The following RBM44 variants were observed in gnomAD, a reference collection of about 807,000 sequenced individuals.
RBM44 encodes RNA-binding protein 44.
In RBM44, 66 loss-of-function variants were observed where a neutral mutation model predicts 105.1. The ratio of observed to expected loss-of-function variants is 0.63; its 90% CI spans 0.52 to 0.77. The LOEUF (loss-of-function observed/expected upper bound fraction) is 0.77. Among genes scored for constraint, RBM44 ranks in the 30% least tolerant of loss-of-function variants. The pLI, the probability that RBM44 is intolerant of heterozygous loss-of-function variation, is 0.00. For missense variants in RBM44, 1,122 were observed against 1,207.8 expected, an observed-to-expected ratio of 0.93 and a Z score of 1.05; for synonymous variants, 365 against 417.6, an observed-to-expected ratio of 0.87 and a Z score of 1.54.
intron 1 of RBM44, among the ~76,000 whole-genome samples, chr2:237,809,482 A>G (rs1022293540): frequency 2.0e-5 from 3 of 152,146 alleles, no homozygotes; most frequent in African/African-American, 7.2e-5. Flanking sequence ...CCAGACAGGC[A>G]TCTTTCAATA....
In RBM44 at chr2:237,818,970, T is replaced by C. The variant is rs530626691; in HGVS notation, c.1736+11T>C. 2 of 1,363,476 alleles carry C rather than the reference T, an allele frequency of 1.5e-6. No homozygotes were observed. The highest frequency in any genetic ancestry group is 2.7e-5 in the South Asian group (2 of 74,542). 84.5% of individuals were successfully genotyped at this position (1,363,476 alleles called of 1,614,324 possible). The stretch of plus-strand genomic sequence containing the variant: ...GAAACATCCTGAGAGGTACATCATT[T>C]ATATATGCTTACAGATACATCTGGA... On this transcript the variant is annotated intron_variant, in intron 4 of 15. Transcript: ENST00000316997. This position sits in a 1 kb window ranked among gnomAD's most constrained non-coding sequence, Gnocchi z 4.6.
Position 237,829,207 on chromosome 2 carries a change from T to A in RBM44, c.2601-10T>A. 1 of 1,590,568 alleles carries A rather than the reference T, an allele frequency of 6.3e-7. No homozygotes were observed. The highest frequency in any genetic ancestry group is 1.1e-5 in the South Asian group (1 of 87,364). On this transcript the variant is annotated splice_polypyrimidine_tract_variant and intron_variant, in intron 12 of 15. Coordinates refer to ENST00000316997, the MANE Select transcript of RBM44 (RefSeq NM_001080504.3). ...TAACAACCTTTTGGTTTTCTGCTCT[T>A]ATGTTTTAGATATGCATCTCTTGCT...
At chr2:237,804,794 T>C (rs185810399) in intron 1 of RBM44, among the ~76,000 whole-genome samples, 10 of 152,358 alleles carry the variant, frequency 6.6e-5, no homozygotes, top group African/African-American at 2.4e-4. Context: ...ATAAGCTCTT[T>C]AGTTTAATTA....
chr2:237,826,463 T>A (rs951664378), intron 10 of RBM44, among the ~76,000 whole-genome samples: 6 of 152,206 alleles, frequency 3.9e-5, no homozygotes, highest in Non-Finnish European at 7.3e-5. Flanking sequence ...TAACTCAAGT[T>A]GTCTCTCCCC....
chr2:237,821,404 G>C (rs1195679383), intron 7 of RBM44, 36 bp downstream of exon 7: 2 of 1,474,014 alleles, frequency 1.4e-6, no homozygotes, highest in Admixed American at 4.4e-5. Flanking sequence ...TAATTCATTA[G>C]ATCCTAAAAA....
At chr2:237,836,192 G>T (rs368772845) in intron 15 of RBM44, among the ~76,000 whole-genome samples, 2 of 152,120 alleles carry the variant, frequency 1.3e-5, no homozygotes, top group Non-Finnish European at 2.9e-5. Flanking sequence ...CTCATTTACC[G>T]TTCTGAAAAT....
At chr2:237,839,872 A>G (rs958126594) in intron 15 of RBM44, among the ~76,000 whole-genome samples, 9 of 152,182 alleles carry the variant, frequency 5.9e-5, no homozygotes, top group African/African-American at 2.2e-4. Flanking sequence ...GAAAATATTT[A>G]TAAATCATAT....
chr2:237,822,328 A>G (rs763134223), intron 8 of RBM44, among the ~76,000 whole-genome samples: 6 of 152,092 alleles, frequency 3.9e-5, no homozygotes, highest in Non-Finnish European at 8.8e-5. Context: ...TGTTCCCGCA[A>G]GAAAGTGTTT....
At chr2:237,833,301 C>G (rs1272247465) in intron 13 of RBM44, among the ~76,000 whole-genome samples, 8 of 152,116 alleles carry the variant, frequency 5.3e-5, no homozygotes, top group Non-Finnish European at 1.5e-5. Context: ...GACTTTTCAT[C>G]GAGGCTTTAA....
chr2:237,838,273 G>C (rs1032456563), intron 15 of RBM44, among the ~76,000 whole-genome samples: 2 of 152,146 alleles, frequency 1.3e-5, no homozygotes, highest in Non-Finnish European at 2.9e-5. Context: ...CAAGCCCAAA[G>C]CTCTAGACCC....
intron 10 of RBM44, among the ~76,000 whole-genome samples, chr2:237,825,451 C>A (rs1174716873): frequency 6.6e-6 from 1 of 152,174 alleles, no homozygotes; most frequent in Non-Finnish European, 1.5e-5. Flanking sequence ...AGTGATCCAC[C>A]CACCTCAGCC....
chr2:237,822,862 A>G (rs146502037), intron 8 of RBM44, among the ~76,000 whole-genome samples: 5 of 152,108 alleles, frequency 3.3e-5, no homozygotes, highest in Admixed American at 6.5e-5. Context: ...TTAACTGGTA[A>G]TTCATGAAAC....
chr2:237,829,815 A>G (rs747326356), intron 13 of RBM44, among the ~76,000 whole-genome samples: 2 of 152,148 alleles, frequency 1.3e-5, no homozygotes, highest in Non-Finnish European at 2.9e-5. Context: ...TTTCTTTCAT[A>G]GCTAACTTTA....
chr2:237,817,789 C>T lies in RBM44; in HGVS notation c.870C>T (p.Tyr290=). Residue 290 remains tyrosine (Y), a synonymous_variant, in exon 3 of 16, where the codon TAC becomes TAT. Coordinates refer to ENST00000316997, the MANE Select transcript of RBM44 (RefSeq NM_001080504.3). ...AGGAACAAGAGACTAATTCAATGTA[C>T]CACACTGTATTTGATGGCAGTGTAC... The part of the protein sequence containing the change: ...KYKEQETNSM[Y]HTVFDGSVLR... 1 of 1,610,368 alleles carries T rather than the reference C, an allele frequency of 6.2e-7. No homozygotes were observed. Among genetic ancestry groups the T allele is most frequent in the Non-Finnish European group, 8.5e-7 (1 of 1,177,536 alleles).
At chr2:237,814,656 G>GGA (rs2061695316) in intron 2 of RBM44, among the ~76,000 whole-genome samples, 1 of 152,014 alleles carries the variant, frequency 6.6e-6, no homozygotes, top group East Asian at 1.9e-4. Flanking sequence ...AAAGATAATA[G>GGA]GTTAGTGGAG....
intron 7 of RBM44, 52 bp from the exon 8 acceptor site, chr2:237,821,690 CT>C: frequency 6.3e-6 from 8 of 1,274,308 alleles, no homozygotes; most frequent in Non-Finnish European, 9.1e-6. Flanking sequence ...CTATAGTCAC[CT>C]TACTCTGTTA....
intron 2 of RBM44, among the ~76,000 whole-genome samples, chr2:237,816,452 A>G (rs1032436414): frequency 6.6e-6 from 1 of 152,188 alleles, no homozygotes; most frequent in African/African-American, 2.4e-5. Flanking sequence ...TGTAAACAGT[A>G]AATTTCTTCC....
Position 237,829,374 on chromosome 2 carries a change from A to G in RBM44, c.2758A>G (p.Ser920Gly), listed in dbSNP as rs757530234. The change falls in exon 13 of 16, where the codon AGT becomes GGT. Residue 920 changes from serine (S) to glycine (G), a missense_variant. Around this residue, in one of 3 missense-constraint regions of RBM44, gnomAD observed 194 missense variants for 225.5 expected, o/e 0.86. Coordinates refer to ENST00000316997, the MANE Select transcript of RBM44 (RefSeq NM_001080504.3). The part of the protein sequence containing the change: ...PLSSKNGNRI[S>G]SNNLEKSTNK... ...TTCCTCCAAAAATGGGAATAGAATTAGTTCGAATAATTTAGAGAAAAGCAC... is the reference window on the plus strand; with the variant it reads ...TTCCTCCAAAAATGGGAATAGAATTGGTTCGAATAATTTAGAGAAAAGCAC... 1.2e-6 allele frequency: 2 copies of G among 1,613,704 alleles called. No individual in the cohort carries two copies. The highest frequency in any genetic ancestry group is 1.7e-6 in the Non-Finnish European group (2 of 1,179,686).
At position 237,824,287 on chromosome 2, in the gene RBM44, T is replaced by C; in HGVS notation, c.2321-4T>C. 4 of 1,612,752 alleles carry C rather than the reference T, an allele frequency of 2.5e-6. No homozygotes were observed. Among genetic ancestry groups the C allele is most frequent in the Non-Finnish European group, 3.4e-6 (4 of 1,179,124 alleles). On this transcript the variant is annotated splice_region_variant and splice_polypyrimidine_tract_variant and intron_variant, in intron 9 of 15. Transcript: ENST00000316997. ...TTCATAGCTCACTGTGTTGAGTGTC[T>C]TAGACTGCAGACATTACCAAGAGAC...
Sources: allele counts gnomAD v4.1 joint callset (sites outside exome capture counted in the v4.1 genomes callset), GRCh38; gene constraint gnomAD v4.1.1; regional missense constraint gnomAD v4.1.1; non-coding constraint Gnocchi (gnomAD v3.1); transcripts MANE v1.5; gene names NCBI Gene and HGNC (gene_info 2026-07-23, HGNC 2026-07-21).